Variants in SEMA3D observed in about 807,000 individuals in gnomAD.
SEMA3D encodes the protein semaphorin 3D, also known as semaphorin-3D.
A neutral mutation model predicts 100.1 loss-of-function variants in SEMA3D; 84 were observed. The ratio of observed to expected loss-of-function variants is 0.84; its 90% CI spans 0.70 to 1.01. The LOEUF is 1.01. SEMA3D is among the 50% of genes least tolerant of loss of function. SEMA3D has a pLI of 0.00. For missense variants in SEMA3D, 875 were observed against 934.1 expected, an observed-to-expected ratio of 0.94 and a Z score of 0.82; for synonymous variants, 312 against 320.7, an observed-to-expected ratio of 0.97 and a Z score of 0.29.
the SEMA3D span, among the ~76,000 whole-genome samples, chr7:85,197,757 C>T: frequency 6.6e-6 from 1 of 152,112 alleles, no homozygotes; most frequent in South Asian, 2.1e-4. Context: ...TAACCTATAA[C>T]CCTGCAATTC....
At chr7:85,026,791 A>G (rs941857169) in intron 12 of SEMA3D, among the ~76,000 whole-genome samples, 2 of 152,036 alleles carry the variant, frequency 1.3e-5, no homozygotes, top group Non-Finnish European at 2.9e-5. Flanking sequence ...GCTCCTTAGG[A>G]AAAGAGTGTA....
At chr7:85,008,340 G>A (rs1385822594) in intron 17 of SEMA3D, among the ~76,000 whole-genome samples, 2 of 151,724 alleles carry the variant, frequency 1.3e-5, no homozygotes, top group African/African-American at 2.4e-5. Flanking sequence ...AAGTAATAGT[G>A]AGCTCATTAT....
At chr7:85,040,280 C>A (rs1469886967) in intron 11 of SEMA3D, among the ~76,000 whole-genome samples, 1 of 151,930 alleles carries the variant, frequency 6.6e-6, no homozygotes, top group Non-Finnish European at 1.5e-5. Context: ...GCCCAGCCTG[C>A]ATATGCCTTT....
intron 3 of SEMA3D, among the ~76,000 whole-genome samples, chr7:85,114,034 A>G (rs1789169043): frequency 6.6e-6 from 1 of 152,198 alleles, no homozygotes; most frequent in Admixed American, 6.5e-5. Flanking sequence ...GCCCAAGAAT[A>G]ACCTTTCAGA....
intron 2 of SEMA3D, chr7:85,141,349 A>AACTGC: frequency 4.1e-6 from 4 of 984,596 alleles, no homozygotes; most frequent in Non-Finnish European, 4.8e-6. Context: ...TATGTCAACT[A>AACTGC]ACTGCACAGT....
At chr7:85,077,307 G>A (rs937839669) in intron 5 of SEMA3D, among the ~76,000 whole-genome samples, 7 of 151,880 alleles carry the variant, frequency 4.6e-5, no homozygotes, top group Non-Finnish European at 1.0e-4. Context: ...TTTAAATAAA[G>A]TGTATACATC....
chr7:85,096,438 CAT>C (rs1260538759), intron 4 of SEMA3D, among the ~76,000 whole-genome samples: 7 of 151,880 alleles, frequency 4.6e-5, no homozygotes, highest in Admixed American at 3.9e-4. Context: ...TAAAGATAAT[CAT>C]ATGAGGTTTT....
upstream of SEMA3D, among the ~76,000 whole-genome samples, chr7:85,187,545 G>C (rs1791594568): frequency 6.6e-6 from 1 of 152,170 alleles, no homozygotes; most frequent in African/African-American, 2.4e-5. Flanking sequence ...ACCAAACAGG[G>C]AGAGATAAAA....
chr7:85,028,962 G>A (rs141889383), intron 12 of SEMA3D: 94 of 305,380 alleles, frequency 3.1e-4, no homozygotes, highest in African/African-American at 1.8e-3. Context: ...CCAGGCAGCC[G>A]TCCTATCTAG....
intron 9 of SEMA3D, among the ~76,000 whole-genome samples, chr7:85,045,010 T>A (rs1248597411): frequency 6.6e-6 from 1 of 151,830 alleles, no homozygotes; most frequent in South Asian, 2.1e-4. Flanking sequence ...TTGAAAAAAA[T>A]TTTCAGAATG....
At chr7:85,170,954 C>T (rs1194153900) in intron 1 of SEMA3D, among the ~76,000 whole-genome samples, 1 of 152,040 alleles carries the variant, frequency 6.6e-6, no homozygotes, top group Non-Finnish European at 1.5e-5. Context: ...TATTTACTCT[C>T]TTTAAAACTC....
the SEMA3D span, among the ~76,000 whole-genome samples, chr7:85,237,940 G>A: frequency 2.0e-5 from 3 of 152,210 alleles, no homozygotes; most frequent in African/African-American, 7.2e-5. Flanking sequence ...GGTGTTGTCA[G>A]TGTTTTGGAT....
At chr7:85,084,789 C>A (rs753573881) in intron 4 of SEMA3D, among the ~76,000 whole-genome samples, 1 of 152,084 alleles carries the variant, frequency 6.6e-6, no homozygotes, top group African/African-American at 2.4e-5. Flanking sequence ...AATGTCCCAC[C>A]GTGTGTTGTT....
chr7:85,067,491 G>A (rs534439235), intron 7 of SEMA3D, among the ~76,000 whole-genome samples: 10 of 152,216 alleles, frequency 6.6e-5, no homozygotes, highest in South Asian at 6.2e-4. Flanking sequence ...CACTCTTATC[G>A]TCTATTCAAA....
At chr7:85,141,062 T>C in intron 2 of SEMA3D, 1 of 878,402 alleles carries the variant, frequency 1.1e-6, no homozygotes, top group Non-Finnish European at 1.4e-6. Flanking sequence ...CACTATGTTT[T>C]CATTTTATTT....
At chr7:85,030,248 C>G (rs1790510117) in intron 12 of SEMA3D, among the ~76,000 whole-genome samples, 1 of 150,804 alleles carries the variant, frequency 6.6e-6, no homozygotes. Flanking sequence ...AAAGAACAGG[C>G]TTTTCTGGTG....
chr7:85,097,978 A>G lies in SEMA3D; in HGVS notation c.152-13T>C. 1 of 1,436,880 alleles carries G rather than the reference A, an allele frequency of 7.0e-7. No individual in the cohort carries two copies. Among genetic ancestry groups the G allele is most frequent in the Non-Finnish European group, 9.3e-7 (1 of 1,077,360 alleles). 89.0% of individuals were successfully genotyped at this position (1,436,880 alleles called of 1,614,324 possible). On this transcript the variant is annotated splice_polypyrimidine_tract_variant and intron_variant, in intron 3 of 18. Transcript: ENST00000284136. ...GAAAGCAGCAAGTCTATGGAAAGCA[A>G]AAAAAGAAAAGAAAGGAGAAAGAAA...
At chr7:85,166,768 A>AT (rs1790918696) in intron 1 of SEMA3D, among the ~76,000 whole-genome samples, 1 of 152,082 alleles carries the variant, frequency 6.6e-6, no homozygotes, top group South Asian at 2.1e-4. Flanking sequence ...TATGGTGCTG[A>AT]TAAAAATAAA....
chr7:84,999,443 C>T lies in SEMA3D; in HGVS notation c.2331G>A (p.Thr777=), dbSNP rs146665433. ...TTTCTTTAAATTAAGTAGAAAACTA[C>T]GTGGCTACAGCTCTAGGGAGCTCAT... ...DLDELPRAVA[T] Residue 777 remains threonine, a synonymous_variant, in exon 19 of 19, where the codon ACG becomes ACA. Coordinates refer to ENST00000284136, the MANE Select transcript of SEMA3D (RefSeq NM_001384900.1). 181 of 1,612,248 alleles carry T rather than the reference C, an allele frequency of 1.1e-4. No individual in the cohort carries two copies. The highest frequency in any genetic ancestry group is 1.0e-3 in the African/African-American group (77 of 74,900).
Sources: gnomAD v4.1 joint callset for allele counts (sites outside exome capture counted in the v4.1 genomes callset) on GRCh38, gnomAD v4.1.1 for gene constraint, MANE v1.5 for transcripts, NCBI Gene and HGNC (gene_info 2026-07-23, HGNC 2026-07-21) for gene names.